The following TDRD1 variants were observed in gnomAD, a reference collection of about 807,000 sequenced individuals.
TDRD1 encodes tudor domain-containing protein 1.
Under a neutral mutation model 140.6 loss-of-function variants are expected in TDRD1, and 37 were observed. The ratio of observed to expected loss-of-function variants is 0.26; its 90% CI spans 0.20 to 0.35. The LOEUF (loss-of-function observed/expected upper bound fraction) is 0.35, where lower values mean the gene tolerates loss of function less well. TDRD1 is among the 10% of genes least tolerant of loss of function. TDRD1 has a pLI of 1.00. For synonymous variants in TDRD1, 506 were observed against 475.7 expected, an observed-to-expected ratio of 1.06 and a Z score of -0.83; for missense variants, 1,243 against 1,393.0, an observed-to-expected ratio of 0.89 and a Z score of 1.71.
upstream of TDRD1, among the ~76,000 whole-genome samples, chr10:114,175,699 A>T (rs1047789226): frequency 3.9e-5 from 6 of 152,236 alleles, no homozygotes; most frequent in Non-Finnish European, 5.9e-5. Flanking sequence ...AAAAGCAAAG[A>T]TAACATGAAC....
intron 3 of TDRD1, among the ~76,000 whole-genome samples, chr10:114,191,485 C>T (rs761427910): frequency 2.6e-5 from 4 of 152,176 alleles, no homozygotes; most frequent in African/African-American, 9.7e-5. Flanking sequence ...ACAAACAGTA[C>T]GTAACCTTTT....
intron 1 of TDRD1, among the ~76,000 whole-genome samples, chr10:114,186,659 A>G (rs965565589): frequency 3.3e-5 from 5 of 152,272 alleles, no homozygotes; most frequent in Admixed American, 1.3e-4. Context: ...GTGCTTATCC[A>G]TAACAGTTTT....
intron 25 of TDRD1, among the ~76,000 whole-genome samples, chr10:114,229,923 C>T (rs909709376): frequency 2.0e-5 from 3 of 151,758 alleles, no homozygotes; most frequent in Non-Finnish European, 4.4e-5. Flanking sequence ...CTCCGCCTCC[C>T]GGGTTCATGC....
In TDRD1 at chr10:114,203,703, C is replaced by T. The variant is rs1024176049; in HGVS notation, c.981+136C>T. The T allele has an allele frequency of 1.7e-5, 13 of 777,022 alleles. No individual in the cohort carries two copies. In the East Asian group the frequency reaches 2.7e-4, roughly 16 times the overall value. The allele number at this position is 777,022 out of a possible 1,614,324, so 48.1% of individuals were successfully genotyped here. A position where few individuals can be genotyped will look rare whatever the true frequency, so the allele number is the denominator to read the frequency against. On this transcript the variant is annotated intron_variant, in intron 8 of 25. Transcript: ENST00000251864. ...TCACGCTTCTATTCCTCTTCAGTATCCCGTGCTCTGTTCACCTTGCTTCCT... is the reference window on the plus strand; with the variant it reads ...TCACGCTTCTATTCCTCTTCAGTATTCCGTGCTCTGTTCACCTTGCTTCCT...
intron 3 of TDRD1, among the ~76,000 whole-genome samples, chr10:114,194,161 T>C (rs975618288): frequency 2.0e-5 from 3 of 152,208 alleles, no homozygotes; most frequent in Non-Finnish European, 2.9e-5. Context: ...TAATTTTCTT[T>C]TATACTGTCT....
At chr10:114,213,250 C>T (rs2035602335) in intron 14 of TDRD1, 96 bp from the exon 15 acceptor site, 5 of 1,131,422 alleles carry the variant, frequency 4.4e-6, no homozygotes, top group Non-Finnish European at 6.3e-6. Context: ...CCAGTGTTTG[C>T]CATAGGTTTC....
chr10:114,199,486 C>T (rs967154478), intron 4 of TDRD1, among the ~76,000 whole-genome samples, 169 bp downstream of exon 4: 2 of 152,254 alleles, frequency 1.3e-5, no homozygotes, highest in Non-Finnish European at 1.5e-5. Context: ...TTCACCCATC[C>T]CTTCCCATTC....
chr10:114,213,381 G>A lies in TDRD1; in HGVS notation c.1867G>A (p.Ala623Thr), dbSNP rs768844329. ...ATCATTAGGAATTTGGACTCCAGAAGCTATTTGTCTCATGAAAAAACTTGT... is the reference window on the plus strand; with the variant it reads ...ATCATTAGGAATTTGGACTCCAGAAACTATTTGTCTCATGAAAAAACTTGT... The change falls in exon 15 of 26, where the codon GCT (alanine) becomes ACT (threonine). Residue 623 changes from alanine to threonine, a missense_variant. Physicochemically the swap from Ala to Thr is moderately conservative, Grantham distance 58 (BLOSUM62 0). Around this residue, in one of 5 missense-constraint regions of TDRD1, gnomAD observed 601 missense variants for 734.7 expected, o/e 0.82. Coordinates refer to ENST00000251864, the Ensembl canonical transcript of TDRD1. 5.6e-6 allele frequency: 9 copies of A among 1,613,634 alleles called. No homozygotes were observed. In the African/African-American group the frequency reaches 9.3e-5, roughly 17 times the overall value.
At chr10:114,186,648 C>T (rs945141261) in intron 1 of TDRD1, among the ~76,000 whole-genome samples, 11 of 152,142 alleles carry the variant, frequency 7.2e-5, no homozygotes, top group South Asian at 4.1e-4. Context: ...TCAATTTAGG[C>T]GTGCTTATCC....
At chr10:114,203,088 G>A in exon 7 of TDRD1, 1 of 1,613,120 alleles carries the variant, frequency 6.2e-7, no homozygotes, top group Non-Finnish European at 8.5e-7. Flanking sequence ...TGTCCACTTG[G>A]AGTTACTAAG....
At chr10:114,227,206 T>G (rs1490931132) in exon 23 of TDRD1, 1 of 1,614,034 alleles carries the variant, frequency 6.2e-7, no homozygotes, top group Non-Finnish European at 8.5e-7. Flanking sequence ...TGAGAAATGT[T>G]CTGAGAATGG....
intron 3 of TDRD1, among the ~76,000 whole-genome samples, chr10:114,197,451 C>T (rs1564941287): frequency 6.6e-6 from 1 of 152,008 alleles, no homozygotes; most frequent in East Asian, 1.9e-4. Context: ...ACTCCCTATT[C>T]ATTTGTTTCA....
exon 20 of TDRD1, chr10:114,221,441 C>T (rs752738927): frequency 2.5e-6 from 4 of 1,613,368 alleles, no homozygotes; most frequent in Admixed American, 1.7e-5. Context: ...ATCATAAGCC[C>T]AAACTTGTTT....
chr10:114,224,457 A>T (rs2036321051), intron 21 of TDRD1, among the ~76,000 whole-genome samples: 1 of 152,098 alleles, frequency 6.6e-6, no homozygotes, highest in African/African-American at 2.4e-5. Flanking sequence ...GAAATTCATG[A>T]GCTTCAGTTT....
chr10:114,180,688 C>T (rs2032980412), intron 1 of TDRD1, among the ~76,000 whole-genome samples: 1 of 152,188 alleles, frequency 6.6e-6, no homozygotes, highest in African/African-American at 2.4e-5. Context: ...TGGTCTCCAA[C>T]TCCTCACCTC....
At chr10:114,190,549 G>A (rs778208627) in intron 2 of TDRD1, among the ~76,000 whole-genome samples, 2 of 152,160 alleles carry the variant, frequency 1.3e-5, no homozygotes, top group Non-Finnish European at 2.9e-5. Flanking sequence ...ATGCAGTGGC[G>A]CTATCTCAGC....
chr10:114,203,551 A>C, exon 8 of TDRD1: 3 of 1,607,378 alleles, frequency 1.9e-6, no homozygotes, highest in Non-Finnish European at 2.5e-6. Flanking sequence ...TGTATTGCCA[A>C]GTACACTGTT....
intron 3 of TDRD1, among the ~76,000 whole-genome samples, chr10:114,197,989 G>A (rs1304907575): frequency 6.6e-6 from 1 of 152,120 alleles, no homozygotes; most frequent in African/African-American, 2.4e-5. Flanking sequence ...GTTTCAGCTG[G>A]CTTCCTCCGA....
chr10:114,224,761 G>A (rs1475150861), intron 21 of TDRD1, among the ~76,000 whole-genome samples: 1 of 152,048 alleles, frequency 6.6e-6, no homozygotes, highest in African/African-American at 2.4e-5. Flanking sequence ...GGATATTACT[G>A]TCAGTCTTCT....
Sources: allele counts gnomAD v4.1 joint callset (sites outside exome capture counted in the v4.1 genomes callset), GRCh38; gene constraint gnomAD v4.1.1; regional missense constraint gnomAD v4.1.1; transcripts MANE v1.5; gene names NCBI Gene and HGNC (gene_info 2026-07-23, HGNC 2026-07-21).